The following YIPF4 variants were observed in gnomAD, a reference collection of about 807,000 sequenced individuals.
YIPF4 encodes the protein Yip1 domain family member 4.
YIPF4 carries 18 observed loss-of-function variants against 29.4 expected under a neutral mutation model. That is an observed-to-expected ratio of 0.61 (90% confidence interval 0.42 to 0.91). The LOEUF (loss-of-function observed/expected upper bound fraction) is 0.91. Among genes scored for constraint, YIPF4 ranks in the 40% least tolerant of loss-of-function variants. YIPF4 has a pLI of 0.00. For synonymous variants in YIPF4, 115 were observed against 104.7 expected (o/e 1.10, Z -0.60); for missense variants, 279 against 282.7 (o/e 0.99, Z 0.09).
chr2:32,295,250 T>G (rs928714064), intron 3 of YIPF4, among the ~76,000 whole-genome samples: 4 of 152,208 alleles, frequency 2.6e-5, no homozygotes, highest in Non-Finnish European at 5.9e-5. Context: ...CATCACTCTC[T>G]CATGCCAAAT....
intron 3 of YIPF4, among the ~76,000 whole-genome samples, chr2:32,293,816 G>A (rs530512988): frequency 4.1e-5 from 6 of 147,922 alleles, no homozygotes; most frequent in Middle Eastern, 3.8e-3. Context: ...CTCACCTCCC[G>A]GACGGGGCGG....
At chr2:32,305,446 C>A in intron 5 of YIPF4, 43 bp from the exon 6 acceptor site, 1 of 1,428,036 alleles carries the variant, frequency 7.0e-7, no homozygotes, top group Non-Finnish European at 9.2e-7. Flanking sequence ...AGTTAATTGA[C>A]TTGCTAATAT....
chr2:32,287,368 C>T (rs903132919), intron 1 of YIPF4, among the ~76,000 whole-genome samples: 1 of 152,132 alleles, frequency 6.6e-6, no homozygotes, highest in African/African-American at 2.4e-5. Context: ...CATACTGAAG[C>T]ACACATAGAC....
chr2:32,298,647 G>A (rs934524754), intron 4 of YIPF4, among the ~76,000 whole-genome samples: 9 of 151,574 alleles, frequency 5.9e-5, no homozygotes, highest in East Asian at 3.9e-4. Context: ...TGCAGCCTCC[G>A]CCTCCCAGGT....
chr2:32,293,717 G>C (rs577990969), intron 3 of YIPF4, among the ~76,000 whole-genome samples: 1 of 150,946 alleles, frequency 6.6e-6, no homozygotes, highest in Non-Finnish European at 1.5e-5. Context: ...GCCGGGCGGG[G>C]GGCTGACCCC....
At position 32,311,867 on chromosome 2, in the gene YIPF4, T is replaced by C. The variant is rs544960033; in HGVS notation, c.*6241T>C. On this transcript the variant is annotated 3_prime_UTR_variant, in exon 6 of 6. Transcript: ENST00000238831. ...TCTGGTGATAAAGGGAAAAAGATAATGTAAAAGCAGATTGCTGCTATTTGC... is the reference window on the plus strand; with the variant it reads ...TCTGGTGATAAAGGGAAAAAGATAACGTAAAAGCAGATTGCTGCTATTTGC... The C allele has an allele frequency of 5.9e-5, 9 of 152,328 alleles. No homozygotes were observed. The highest frequency in any genetic ancestry group is 2.2e-4 in the African/African-American group (9 of 41,592). 9.4% of individuals were successfully genotyped at this position (152,328 alleles called of 1,614,324 possible).
At position 32,306,596 on chromosome 2, in the gene YIPF4, C is replaced by G; in HGVS notation, c.*970C>G. The G allele has an allele frequency of 1.0e-6, 1 of 985,094 alleles. No homozygotes were observed. The highest frequency in any genetic ancestry group is 1.2e-6 in the Non-Finnish European group (1 of 829,724). 61.0% of individuals were successfully genotyped at this position (985,094 alleles called of 1,614,324 possible). On this transcript the variant is annotated 3_prime_UTR_variant, in exon 6 of 6. Coordinates refer to ENST00000238831, the MANE Select transcript of YIPF4 (RefSeq NM_032312.4). Reference sequence around the variant, plus strand: ...TGTGTTTTGTTTTACAGCACCATGTCCTGTATTACTTGATATTTTAACAAG... The same window carrying G: ...TGTGTTTTGTTTTACAGCACCATGTGCTGTATTACTTGATATTTTAACAAG...
Position 32,292,220 on chromosome 2 carries a change from C to A in YIPF4, c.277C>A (p.Arg93=). 6.3e-7 allele frequency: 1 copy of A among 1,588,190 alleles called. No homozygotes were observed. The highest frequency in any genetic ancestry group is 8.6e-7 in the Non-Finnish European group (1 of 1,168,266). ...TCTAAAGGATATTTACTACAAAATC[C>A]GATGTGTTTTGATGCCAATGCCATC... ...IDLKDIYYKI[R]CVLMPMPSLG... is the part of the protein sequence containing the mutation. The change falls in exon 3 of 6, where the codon CGA becomes AGA. Residue 93 remains arginine, a synonymous_variant. Coordinates refer to ENST00000238831, the MANE Select transcript of YIPF4 (RefSeq NM_032312.4).
chr2:32,280,856 T>C (rs1327778398), intron 1 of YIPF4, among the ~76,000 whole-genome samples: 4 of 152,200 alleles, frequency 2.6e-5, no homozygotes, highest in Non-Finnish European at 4.4e-5. Flanking sequence ...TTTGGTAGCA[T>C]GGTGCTTAGG....
chr2:32,287,904 T>C (rs190611827), intron 1 of YIPF4, among the ~76,000 whole-genome samples: 1 of 152,270 alleles, frequency 6.6e-6, no homozygotes, highest in East Asian at 1.9e-4. Context: ...ACAAGAATAT[T>C]TTATATATAG....
intron 2 of YIPF4, among the ~76,000 whole-genome samples, 182 bp from the exon 3 acceptor site, chr2:32,291,995 G>A (rs1054793330): frequency 1.3e-5 from 2 of 152,222 alleles, no homozygotes; most frequent in African/African-American, 4.8e-5. Context: ...CACATTTAGA[G>A]ATATTGGAAT....
chr2:32,302,819 A>G (rs1213668673), intron 5 of YIPF4, among the ~76,000 whole-genome samples: 1 of 152,172 alleles, frequency 6.6e-6, no homozygotes, highest in Non-Finnish European at 1.5e-5. Context: ...AGCCACTTGA[A>G]ATTATTACTA....
rs115175226 is a variant in YIPF4, at chr2:32,284,456, C to G, written c.80-6027C>G. Among the ~76,000 whole-genome samples, 848 of 152,180 alleles carry G rather than the reference C, an allele frequency of 5.6e-3. 10 individuals are homozygous for G. The highest frequency in any genetic ancestry group is 0.019 in the African/African-American group (793 of 41,518). ...ATCATGGGGGTGGACTTCCCTCTTG[C>G]TGTTCTTGTCATAGTGAGTTCTCAC... On this transcript the variant is annotated intron_variant, in intron 1 of 5. Coordinates refer to ENST00000238831, the MANE Select transcript of YIPF4 (RefSeq NM_032312.4).
At chr2:32,298,721 G>C (rs2031286306) in intron 4 of YIPF4, among the ~76,000 whole-genome samples, 1 of 151,826 alleles carries the variant, frequency 6.6e-6, no homozygotes, top group South Asian at 2.1e-4. Flanking sequence ...ACTATGCCCG[G>C]CTAATTTTTG....
rs2031266876 is a variant in YIPF4 at position 32,298,216 on chromosome 2, A to G, written c.406-18A>G. ...TATTTGGTATAAAAATATTAATTGC[A>G]TGATTTTTCCCCCTAAGGTGGTCTC... is the stretch of plus-strand genomic sequence containing the variant. On this transcript the variant is annotated intron_variant, in intron 3 of 5. Transcript: ENST00000238831. The G allele has an allele frequency of 2.6e-6, 4 of 1,558,558 alleles. No individual in the cohort carries two copies. Among genetic ancestry groups the G allele is most frequent in the East Asian group, 4.5e-5 (2 of 44,342 alleles).
chr2:32,292,190 A>G lies in YIPF4; in HGVS notation c.247A>G (p.Ile83Val). Residue 83 changes from isoleucine to valine, a missense_variant, in exon 3 of 6, where the codon ATT (isoleucine) becomes GTT (valine). Ile to Val is a conservative substitution (Grantham distance 29). Transcript: ENST00000238831. The part of the protein sequence containing the change: ...DNKPLLEELD[I>V]DLKDIYYKIR... ...TTAAAATTATAGGGAAGAATTGGAC[A>G]TTGATCTAAAGGATATTTACTACAA... 1.3e-6 allele frequency: 2 copies of G among 1,518,816 alleles called. No individual in the cohort carries two copies. Among genetic ancestry groups the G allele is most frequent in the Non-Finnish European group, 1.8e-6 (2 of 1,130,562 alleles). 94.1% of individuals were successfully genotyped at this position (1,518,816 alleles called of 1,614,324 possible). A position where few individuals can be genotyped will look rare whatever the true frequency, so the allele number is the denominator to read the frequency against.
Position 32,309,434 on chromosome 2 carries a change from T to C in YIPF4, c.*3808T>C, listed in dbSNP as rs2031669301. ...TTGGAAAGGGTATACTCAATCTGTA[T>C]TAACATAGACTTCTAAATTAGTGAA... On this transcript the variant is annotated 3_prime_UTR_variant, in exon 6 of 6. Coordinates refer to ENST00000238831, the MANE Select transcript of YIPF4 (RefSeq NM_032312.4). 6.6e-6 allele frequency: 1 copy of C among 152,232 alleles called. No homozygotes were observed. The highest frequency in any genetic ancestry group is 1.5e-5 in the Non-Finnish European group (1 of 68,034). 9.4% of individuals were successfully genotyped at this position (152,232 alleles called of 1,614,324 possible). A position where few individuals can be genotyped will look rare whatever the true frequency, so the allele number is the denominator to read the frequency against.
chr2:32,286,029 A>AT (rs893941008), intron 1 of YIPF4, among the ~76,000 whole-genome samples: 1 of 152,186 alleles, frequency 6.6e-6, no homozygotes, highest in Non-Finnish European at 1.5e-5. Flanking sequence ...TGAAAATGAC[A>AT]TTTTAGCCAA....
In YIPF4 at chr2:32,310,095, C is replaced by G. The variant is rs1323597337; in HGVS notation, c.*4469C>G. On this transcript the variant is annotated 3_prime_UTR_variant, in exon 6 of 6. Transcript: ENST00000238831. ...AGCTAAAAATCACCCTTACCCAATT[C>G]TCTGCACTGACATATGTACACAAAG... The G allele has an allele frequency of 6.6e-6, 1 of 152,224 alleles. No homozygotes were observed. The highest frequency in any genetic ancestry group is 1.5e-5 in the Non-Finnish European group (1 of 68,040). 9.4% of individuals were successfully genotyped at this position (152,224 alleles called of 1,614,324 possible).
Sources: allele counts gnomAD v4.1 joint callset (sites outside exome capture counted in the v4.1 genomes callset), GRCh38; gene constraint gnomAD v4.1.1; transcripts MANE v1.5; gene names NCBI Gene and HGNC (gene_info 2026-07-23, HGNC 2026-07-21).